VCAN: variants seen among roughly 807,000 people sequenced by gnomAD.
VCAN encodes versican, also known as versican core protein.
A neutral mutation model predicts 245.5 loss-of-function variants in VCAN; 44 were observed. The ratio of observed to expected loss-of-function variants is 0.18; its 90% CI spans 0.14 to 0.23. VCAN has a LOEUF of 0.23. Ranked by LOEUF, VCAN falls within the 10% of genes least tolerant of loss-of-function variation. The probability of loss-of-function intolerance (pLI) is 1.00; values close to 1 mark genes in which losing one functional copy is unlikely to be tolerated. For synonymous variants in VCAN, 1,413 were observed against 1,437.0 expected, an observed-to-expected ratio of 0.98 and a Z score of 0.38; for missense variants, 3,793 against 4,057.9, an observed-to-expected ratio of 0.93 and a Z score of 1.77.
chr5:83,570,124 A>C (rs893942063), intron 12 of VCAN, among the ~76,000 whole-genome samples: 1 of 152,090 alleles, frequency 6.6e-6, no homozygotes, highest in African/African-American at 2.4e-5. Context: ...GGAGTACTTC[A>C]GTGAGTGTGG....
At chr5:83,531,798 AT>A (rs1458413574) in intron 7 of VCAN, among the ~76,000 whole-genome samples, 1 of 152,134 alleles carries the variant, frequency 6.6e-6, no homozygotes, top group East Asian at 1.9e-4. Context: ...GTACTTAAAA[AT>A]ACTTGTGAAT....
chr5:83,499,420 T>C (rs568760592), intron 5 of VCAN, among the ~76,000 whole-genome samples: 29 of 152,354 alleles, frequency 1.9e-4, no homozygotes, highest in African/African-American at 7.0e-4. Flanking sequence ...GTGGTAATTA[T>C]AGTATTTTTC....
At chr5:83,474,751 G>T (rs1338169104) in intron 1 of VCAN, among the ~76,000 whole-genome samples, 1 of 152,256 alleles carries the variant, frequency 6.6e-6, no homozygotes, top group East Asian at 1.9e-4. Context: ...CGAGAGAGCC[G>T]AGTGGCCTCG....
chr5:83,541,045 C>T lies in VCAN; in HGVS notation c.8042C>T (p.Thr2681Ile). The T allele has an allele frequency of 6.2e-7, 1 of 1,613,988 alleles. No homozygotes were observed. Among genetic ancestry groups the T allele is most frequent in the Non-Finnish European group, 8.5e-7 (1 of 1,179,976 alleles). ...GGGATCCCTGCTCCTAGCACAGAAACAGAATTAGACGTTTTACTTCCCACG... is the reference window on the plus strand; with the variant it reads ...GGGATCCCTGCTCCTAGCACAGAAATAGAATTAGACGTTTTACTTCCCACG... ...TTGIPAPSTE[T>I]ELDVLLPTAT... Residue 2681 changes from threonine (T) to isoleucine (I), a missense_variant, in exon 8 of 15, where the codon ACA becomes ATA. Thr to Ile is a moderately conservative substitution (Grantham distance 89). This residue lies in a region of VCAN where 3,182 missense variants were observed against 3,250.3 expected (regional missense o/e 0.98). Transcript: ENST00000265077.
At chr5:83,534,831 T>G (rs966272430) in intron 7 of VCAN, among the ~76,000 whole-genome samples, 2 of 152,144 alleles carry the variant, frequency 1.3e-5, no homozygotes, top group South Asian at 4.1e-4. Context: ...TCTGCTCATA[T>G]AGTTTAAACA....
intron 7 of VCAN, among the ~76,000 whole-genome samples, chr5:83,529,937 T>A (rs1250398885): frequency 6.6e-6 from 1 of 152,146 alleles, no homozygotes; most frequent in Non-Finnish European, 1.5e-5. Context: ...TCTAAATAGG[T>A]AAAAGCCAAA....
At chr5:83,483,705 G>T (rs1295786211) in intron 2 of VCAN, 117 bp downstream of exon 2, 1 of 953,904 alleles carries the variant, frequency 1.0e-6, no homozygotes, top group South Asian at 1.4e-5. Context: ...TCTATTAAGT[G>T]CTGAAAACTA....
At position 83,545,579 on chromosome 5, in the gene VCAN, C is replaced by A; in HGVS notation, c.9308C>A (p.Thr3103Asn). 6.2e-7 allele frequency: 1 copy of A among 1,614,124 alleles called. No homozygotes were observed. Among genetic ancestry groups the A allele is most frequent in the Non-Finnish European group, 8.5e-7 (1 of 1,179,998 alleles). ...ATGAACCCGTGCCTTAACGGAGGCACCTGTTATCCTACTGAAACTTCCTAC... is the reference window on the plus strand; with the variant it reads ...ATGAACCCGTGCCTTAACGGAGGCAACTGTTATCCTACTGAAACTTCCTAC... The part of the protein sequence containing the change: ...CKMNPCLNGG[T>N]CYPTETSYVC... Residue 3103 changes from threonine (T) to asparagine (N), a missense_variant, in exon 9 of 15, where the codon ACC becomes AAC. Physicochemically the swap from Thr to Asn is moderately conservative, Grantham distance 65 (BLOSUM62 0). Around this residue, in one of 5 missense-constraint regions of VCAN, gnomAD observed 3,182 missense variants for 3,250.3 expected, o/e 0.98. Coordinates refer to ENST00000265077, the MANE Select transcript of VCAN (RefSeq NM_004385.5).
Position 83,541,896 on chromosome 5 carries a change from G to A in VCAN, c.8893G>A (p.Glu2965Lys). 6.2e-7 allele frequency: 1 copy of A among 1,614,050 alleles called. No homozygotes were observed. The highest frequency in any genetic ancestry group is 1.1e-5 in the South Asian group (1 of 91,082). Residue 2965 changes from glutamate to lysine, a missense_variant, in exon 8 of 15, where the codon GAA becomes AAA. Physicochemically the swap from Glu to Lys is moderately conservative, Grantham distance 56. This residue lies in a region of VCAN where 3,182 missense variants were observed against 3,250.3 expected (regional missense o/e 0.98). Coordinates refer to ENST00000265077, the MANE Select transcript of VCAN (RefSeq NM_004385.5). ...TGGAACTGTTATTACAACTGCCGAT[G>A]AAATTGAATTAGAAGGTGCTACACA... is the stretch of plus-strand genomic sequence containing the variant. ...EAGTVITTAD[E>K]IELEGATQWP...
intron 6 of VCAN, among the ~76,000 whole-genome samples, chr5:83,514,914 C>T (rs1745794436): frequency 6.6e-6 from 1 of 152,132 alleles, no homozygotes; most frequent in Non-Finnish European, 1.5e-5. Flanking sequence ...CAGAGATATA[C>T]AGCTGGCTGG....
intron 12 of VCAN, among the ~76,000 whole-genome samples, chr5:83,559,470 A>G (rs940502046): frequency 6.6e-6 from 1 of 152,108 alleles, no homozygotes; most frequent in Non-Finnish European, 1.5e-5. Context: ...AAATACTCTC[A>G]GCTCCTGGAA....
intron 12 of VCAN, among the ~76,000 whole-genome samples, chr5:83,557,059 T>C (rs1461673579): frequency 6.6e-6 from 1 of 152,112 alleles, no homozygotes; most frequent in Non-Finnish European, 1.5e-5. Flanking sequence ...TCTATCTAGT[T>C]ACTGCTTATT....
chr5:83,579,601 G>T (rs568653032), intron 13 of VCAN, among the ~76,000 whole-genome samples: 26 of 152,212 alleles, frequency 1.7e-4, no homozygotes, highest in African/African-American at 5.8e-4. Context: ...AATAGTAATA[G>T]TTAAATTCAT....
intron 5 of VCAN, among the ~76,000 whole-genome samples, chr5:83,495,428 C>T (rs1022478770): frequency 6.6e-6 from 1 of 152,062 alleles, no homozygotes; most frequent in African/African-American, 2.4e-5. Context: ...TTTTCTAAAC[C>T]AAAAGTGCAG....
At chr5:83,479,296 A>G (rs1335761331) in intron 1 of VCAN, among the ~76,000 whole-genome samples, 1 of 151,970 alleles carries the variant, frequency 6.6e-6, no homozygotes, top group African/African-American at 2.4e-5. Flanking sequence ...GAGCTTCCCC[A>G]AAATCAAGGG....
At chr5:83,551,376 G>A (rs2112466917) in intron 10 of VCAN, among the ~76,000 whole-genome samples, 1 of 152,120 alleles carries the variant, frequency 6.6e-6, no homozygotes, top group African/African-American at 2.4e-5. Flanking sequence ...GCCAGGCATG[G>A]TGGTGCACGC....
rs1435618561 is a variant in VCAN, at chr5:83,527,170, T to C, written c.4003+4861T>C. Among the ~76,000 whole-genome samples the C allele has an allele frequency of 2.0e-5, 3 of 152,252 alleles. No homozygotes were observed. In the East Asian group the frequency reaches 5.8e-4, roughly 29 times the overall value. On this transcript the variant is annotated intron_variant, in intron 7 of 14. Coordinates refer to ENST00000265077, the MANE Select transcript of VCAN (RefSeq NM_004385.5). Reference sequence around the variant, plus strand: ...GCATTCTAGTGGTTTGTTAAGAGTATATAATTTAGATTTGGTTGCTGCTAA... The same window carrying C: ...GCATTCTAGTGGTTTGTTAAGAGTACATAATTTAGATTTGGTTGCTGCTAA...
chr5:83,558,617 T>C (rs1747757995), intron 12 of VCAN, among the ~76,000 whole-genome samples: 1 of 152,184 alleles, frequency 6.6e-6, no homozygotes, highest in African/African-American at 2.4e-5. Flanking sequence ...AATTAAACTT[T>C]GCTTTCAATA....
At chr5:83,574,295 G>C (rs1748398447) in intron 13 of VCAN, among the ~76,000 whole-genome samples, 1 of 152,196 alleles carries the variant, frequency 6.6e-6, no homozygotes, top group East Asian at 1.9e-4. Context: ...GCTCTATTAG[G>C]TTTCTAGGTA....
Sources: allele counts gnomAD v4.1 joint callset (sites outside exome capture counted in the v4.1 genomes callset), GRCh38; gene constraint gnomAD v4.1.1; regional missense constraint gnomAD v4.1.1; transcripts MANE v1.5; gene names NCBI Gene and HGNC (gene_info 2026-07-23, HGNC 2026-07-21).